Variants in DENND6A observed in about 807,000 individuals in gnomAD.
DENND6A encodes the protein protein DENND6A.
A neutral mutation model predicts 95.5 loss-of-function variants in DENND6A; 43 were observed. The observed-to-expected ratio is 0.45, with a 90% confidence interval of 0.35 to 0.58. The LOEUF is 0.58. DENND6A is among the 20% of genes least tolerant of loss of function. DENND6A has a pLI of 0.00. For missense variants in DENND6A, 574 were observed against 736.0 expected (o/e 0.78, Z 2.55); for synonymous variants, 257 against 260.4 (o/e 0.99, Z 0.13).
At chr3:57,651,003 C>T (rs983725006) in intron 9 of DENND6A, among the ~76,000 whole-genome samples, 8 of 152,022 alleles carry the variant, frequency 5.3e-5, no homozygotes, top group Non-Finnish European at 8.8e-5. Flanking sequence ...AGACTGGTCT[C>T]GAACTCCCGA....
intron 1 of DENND6A, among the ~76,000 whole-genome samples, chr3:57,686,709 A>G (rs1160272542): frequency 6.6e-6 from 1 of 152,220 alleles, no homozygotes; most frequent in Non-Finnish European, 1.5e-5. Context: ...ATGCCCATAT[A>G]AGATGGCAAA....
chr3:57,690,047 G>GAAAAAAAAAAAAA (rs68096897), intron 1 of DENND6A, among the ~76,000 whole-genome samples: 1 of 137,746 alleles, frequency 7.3e-6, no homozygotes. Flanking sequence ...TGTCTCTAAG[G>GAAAAAAAAAAAAA]AAAAAAAAAA....
intron 9 of DENND6A, among the ~76,000 whole-genome samples, chr3:57,653,536 G>A (rs1443064898): frequency 6.6e-6 from 1 of 151,892 alleles, no homozygotes; most frequent in Admixed American, 6.6e-5. Flanking sequence ...GTGAGGTCAG[G>A]AGATCGAGAC....
rs2071354887 is a variant in DENND6A, at chr3:57,657,738, G to A, written c.763-3C>T. The A allele has an allele frequency of 1.3e-6, 2 of 1,567,786 alleles. No individual in the cohort carries two copies. Among genetic ancestry groups the A allele is most frequent in the Admixed American group, 3.7e-5 (2 of 53,902 alleles). The stretch of plus-strand genomic sequence containing the variant: ...ATAACAGATATATTTGTGTCCACCT[G>A]AGAGATAGAAAAGAAAAATAAAAGA... On this transcript the variant is annotated splice_polypyrimidine_tract_variant and splice_region_variant and intron_variant, in intron 8 of 19. Transcript: ENST00000311128.
intron 1 of DENND6A, among the ~76,000 whole-genome samples, chr3:57,673,613 C>T (rs1488010632): frequency 6.6e-6 from 1 of 152,174 alleles, no homozygotes; most frequent in East Asian, 1.9e-4. Flanking sequence ...ATGATAAATG[C>T]TTGAAGTGAT....
chr3:57,639,069 G>A (rs2070867998), intron 12 of DENND6A, among the ~76,000 whole-genome samples: 1 of 152,134 alleles, frequency 6.6e-6, no homozygotes, highest in Non-Finnish European at 1.5e-5. Context: ...ATGCACTCCA[G>A]CCTGAGCAAC....
At chr3:57,683,907 C>T (rs2077188098) in intron 1 of DENND6A, among the ~76,000 whole-genome samples, 1 of 152,076 alleles carries the variant, frequency 6.6e-6, no homozygotes, top group African/African-American at 2.4e-5. Flanking sequence ...GTAATTTCAG[C>T]ACTTTGGGAG....
At chr3:57,681,123 AG>A in intron 1 of DENND6A, among the ~76,000 whole-genome samples, 3 of 152,312 alleles carry the variant, frequency 2.0e-5, no homozygotes, top group Middle Eastern at 3.4e-3. Context: ...ATAGCCAAAA[AG>A]TAAAAACAAG....
intron 1 of DENND6A, among the ~76,000 whole-genome samples, chr3:57,692,028 C>G (rs1035619462): frequency 6.6e-6 from 1 of 151,776 alleles, no homozygotes; most frequent in Non-Finnish European, 1.5e-5. Flanking sequence ...GTCGGGAGTT[C>G]GAGACCAGCC....
chr3:57,626,160 C>A lies in DENND6A; in HGVS notation c.*2054G>T, dbSNP rs2070523178. The A allele has an allele frequency of 1.3e-5, 2 of 152,582 alleles. No homozygotes were observed. Among genetic ancestry groups the A allele is most frequent in the South Asian group, 4.1e-4 (2 of 4,824 alleles). The allele number at this position is 152,582 out of a possible 1,614,324, so 9.5% of individuals were successfully genotyped here. On this transcript the variant is annotated 3_prime_UTR_variant, in exon 20 of 20. Coordinates refer to ENST00000311128, the MANE Select transcript of DENND6A (RefSeq NM_152678.3). ...AACGATTTCTTTCAAATGCCATATT[C>A]TCTCTATGACTTTGAGGTATGCTTC...
In DENND6A at chr3:57,674,398, C is replaced by T. The variant is rs143236150; in HGVS notation, c.238-1960G>A. ...AAAAAAAAAAAAGAAATTGGGAGGCCGAGGCAGGTGGATCACAAGGTCAGG... is the reference window on the plus strand; with the variant it reads ...AAAAAAAAAAAAGAAATTGGGAGGCTGAGGCAGGTGGATCACAAGGTCAGG... On this transcript the variant is annotated intron_variant, in intron 1 of 19. Coordinates refer to ENST00000311128, the MANE Select transcript of DENND6A (RefSeq NM_152678.3). Among the ~76,000 whole-genome samples, 648 of 149,226 alleles carry T rather than the reference C, an allele frequency of 4.3e-3. 6 individuals carry two copies. Among genetic ancestry groups the T allele is most frequent in the African/African-American group, 0.015 (626 of 40,460 alleles).
rs753369626 is a variant in DENND6A at position 57,660,850 on chromosome 3, T to C, written c.620-11A>G. 1.3e-6 allele frequency: 2 copies of C among 1,570,558 alleles called. No homozygotes were observed. Among genetic ancestry groups the C allele is most frequent in the South Asian group, 2.4e-5 (2 of 82,896 alleles). Reference sequence around the variant, plus strand: ...CAACATCATTACAAGCTGAAAAATATAATAAAATATTTTCTTAGAATAAGT... The same window carrying C: ...CAACATCATTACAAGCTGAAAAATACAATAAAATATTTTCTTAGAATAAGT... On this transcript the variant is annotated splice_polypyrimidine_tract_variant and intron_variant, in intron 6 of 19. Coordinates refer to ENST00000311128, the MANE Select transcript of DENND6A (RefSeq NM_152678.3).
chr3:57,671,062 A>C (rs577999150), intron 3 of DENND6A, among the ~76,000 whole-genome samples: 1 of 152,218 alleles, frequency 6.6e-6, no homozygotes, highest in Admixed American at 6.5e-5. Flanking sequence ...GGCAGTATCT[A>C]ATTTACCAAG....
chr3:57,653,479 C>T (rs900020112), intron 9 of DENND6A, among the ~76,000 whole-genome samples: 25 of 151,936 alleles, frequency 1.6e-4, no homozygotes, highest in African/African-American at 5.8e-4. Context: ...GGCGCGGTGG[C>T]TCACGCCTGT....
chr3:57,679,834 C>G (rs1248654396), intron 1 of DENND6A, among the ~76,000 whole-genome samples: 2 of 152,014 alleles, frequency 1.3e-5, no homozygotes, highest in African/African-American at 4.8e-5. Context: ...GCTGGGAAGG[C>G]GGGAGCTCAG....
chr3:57,681,762 T>C (rs2077168226), intron 1 of DENND6A, among the ~76,000 whole-genome samples: 1 of 152,064 alleles, frequency 6.6e-6, no homozygotes, highest in Admixed American at 6.6e-5. Flanking sequence ...TACATATACA[T>C]ACTATGACAT....
chr3:57,683,230 T>C (rs1006199201), intron 1 of DENND6A, among the ~76,000 whole-genome samples: 1 of 152,116 alleles, frequency 6.6e-6, no homozygotes, highest in Non-Finnish European at 1.5e-5. Flanking sequence ...GTAATACAGA[T>C]AGAATTCAAA....
chr3:57,630,760 G>A lies in DENND6A; in HGVS notation c.1472C>T (p.Pro491Leu). 3.1e-6 allele frequency: 5 copies of A among 1,614,028 alleles called. No individual in the cohort carries two copies. Among genetic ancestry groups the A allele is most frequent in the Non-Finnish European group, 4.2e-6 (5 of 1,179,998 alleles). ...EFMKTLEKTG[P>L]QLTSRIKGDW... ...GCCTTTTATTCTAGAGGTTAGCTGA[G>A]GTCCTGTTTTCTCAAGTGTTTTCAT... Residue 491 changes from proline (P) to leucine (L), a missense_variant, in exon 17 of 20, where the codon CCT (proline) becomes CTT (leucine). Pro to Leu is a moderately conservative substitution (Grantham distance 98). Transcript: ENST00000311128.
intron 1 of DENND6A, among the ~76,000 whole-genome samples, chr3:57,683,421 T>C (rs1277341118): frequency 6.6e-6 from 1 of 152,220 alleles, no homozygotes; most frequent in African/African-American, 2.4e-5. Flanking sequence ...GGCTATAAAC[T>C]ATTATCAGTT....
Sources: allele counts gnomAD v4.1 joint callset (sites outside exome capture counted in the v4.1 genomes callset), GRCh38; gene constraint gnomAD v4.1.1; transcripts MANE v1.5; gene names NCBI Gene and HGNC (gene_info 2026-07-23, HGNC 2026-07-21).